DOCK8: variants seen among roughly 807,000 people sequenced by gnomAD.
DOCK8 encodes dedicator of cytokinesis protein 8.
A neutral mutation model predicts 245.6 loss-of-function variants in DOCK8; 141 were observed. The ratio of observed to expected loss-of-function variants is 0.57; its 90% CI spans 0.50 to 0.66. The LOEUF (loss-of-function observed/expected upper bound fraction) is 0.66, where lower values mean the gene tolerates loss of function less well. Among genes scored for constraint, DOCK8 ranks in the 30% least tolerant of loss-of-function variants. DOCK8 has a pLI of 0.00. For synonymous variants in DOCK8, 1,168 were observed against 970.2 expected (o/e 1.20, Z -3.79); for missense variants, 2,965 against 2,603.4 (o/e 1.14, Z -3.02).
At chr9:425,168 TG>T (rs2056433120) in intron 33 of DOCK8, among the ~76,000 whole-genome samples, 1 of 152,194 alleles carries the variant, frequency 6.6e-6, no homozygotes, top group Admixed American at 6.5e-5. Context: ...ATGACATATG[TG>T]GCCCCCATTG....
In DOCK8 at chr9:464,327, C is replaced by A; in HGVS notation, c.*108C>A. On this transcript the variant is annotated 3_prime_UTR_variant, in exon 48 of 48. Transcript: ENST00000432829. ...CCACCCAGGACTGACTGTACACTCC[C>A]TGATCAGCCAGCACTCTGGAAGCTT... The A allele has an allele frequency of 1.1e-6, 1 of 932,518 alleles. No homozygotes were observed. Among genetic ancestry groups the A allele is most frequent in the Non-Finnish European group, 1.8e-6 (1 of 561,364 alleles). 57.8% of individuals were successfully genotyped at this position (932,518 alleles called of 1,614,324 possible).
intron 1 of DOCK8, among the ~76,000 whole-genome samples, chr9:224,507 C>CT (rs1228327595): frequency 6.6e-6 from 1 of 152,154 alleles, no homozygotes; most frequent in African/African-American, 2.4e-5. Flanking sequence ...GCTTGACTCT[C>CT]TCGTTTGCTC....
At chr9:362,230 G>A (rs558535706) in intron 14 of DOCK8, among the ~76,000 whole-genome samples, 1 of 152,300 alleles carries the variant, frequency 6.6e-6, no homozygotes, top group Non-Finnish European at 1.5e-5. Context: ...AGGAATGGCC[G>A]ATGCATACGC....
intron 5 of DOCK8, 89 bp downstream of exon 5, chr9:304,793 A>G: frequency 1.9e-6 from 3 of 1,585,506 alleles, no homozygotes; most frequent in South Asian, 2.2e-5. Flanking sequence ...AATAAACGAT[A>G]GACGCATAGA....
intron 1 of DOCK8, among the ~76,000 whole-genome samples, chr9:256,190 T>G (rs1270371908): frequency 6.6e-6 from 1 of 152,160 alleles, no homozygotes; most frequent in Non-Finnish European, 1.5e-5. Context: ...ACGAGGCTCT[T>G]TCTGAGCCCT....
intron 20 of DOCK8, among the ~76,000 whole-genome samples, chr9:377,719 A>G (rs940337647): frequency 6.6e-6 from 1 of 152,222 alleles, no homozygotes; most frequent in Non-Finnish European, 1.5e-5. Flanking sequence ...ATCTAGTTTT[A>G]TAACATTTTC....
At chr9:462,676 T>C (rs1000643494) in intron 46 of DOCK8, among the ~76,000 whole-genome samples, 2 of 152,214 alleles carry the variant, frequency 1.3e-5, no homozygotes, top group African/African-American at 2.4e-5. Flanking sequence ...CTAGCTTTGA[T>C]TTTTCTCTTT....
At chr9:421,748 C>G (rs1467092612) in intron 32 of DOCK8, among the ~76,000 whole-genome samples, 1 of 152,204 alleles carries the variant, frequency 6.6e-6, no homozygotes, top group Non-Finnish European at 1.5e-5. Context: ...GACACCCATA[C>G]TTTCATACCC....
chr9:334,556 A>G (rs1387261968), intron 11 of DOCK8, among the ~76,000 whole-genome samples, 172 bp downstream of exon 11: 2 of 152,246 alleles, frequency 1.3e-5, no homozygotes, highest in Non-Finnish European at 2.9e-5. Flanking sequence ...TTGGACGGTG[A>G]TCTCCAAAAG....
intron 4 of DOCK8, among the ~76,000 whole-genome samples, chr9:300,045 T>A (rs553560783): frequency 1.3e-5 from 2 of 151,696 alleles, no homozygotes; most frequent in African/African-American, 2.4e-5. Context: ...AGATGGCCCA[T>A]TGTGGTAAGC....
At chr9:373,541 C>T (rs969512795) in intron 18 of DOCK8, among the ~76,000 whole-genome samples, 13 of 152,280 alleles carry the variant, frequency 8.5e-5, no homozygotes, top group East Asian at 7.7e-4. Flanking sequence ...TCTCTGGAGA[C>T]GCTTTTAATC....
At chr9:262,944 C>T (rs1179955690) in intron 1 of DOCK8, among the ~76,000 whole-genome samples, 4 of 152,094 alleles carry the variant, frequency 2.6e-5, no homozygotes, top group Admixed American at 2.0e-4. Flanking sequence ...CGGTGGCTCC[C>T]GCCTGTAATC....
At chr9:397,350 CAAA>C (rs36020302) in intron 25 of DOCK8, among the ~76,000 whole-genome samples, 5 of 87,540 alleles carry the variant, frequency 5.7e-5, no homozygotes, top group African/African-American at 9.2e-5. Context: ...GACTCTGTCT[CAAA>C]AAAAAAAAAA....
chr9:373,680 C>G (rs554933030), intron 18 of DOCK8, among the ~76,000 whole-genome samples: 2 of 152,326 alleles, frequency 1.3e-5, no homozygotes, highest in Admixed American at 1.3e-4. Context: ...CGTCTCACTT[C>G]CGGCTGTTTT....
intron 8 of DOCK8, among the ~76,000 whole-genome samples, chr9:326,213 T>C (rs562354228): frequency 1.4e-4 from 21 of 152,308 alleles, no homozygotes; most frequent in South Asian, 8.3e-4. Flanking sequence ...CTCGTGTGTT[T>C]TTAATGTTTA....
chr9:420,697 C>T (rs1311150369), intron 31 of DOCK8, 114 bp downstream of exon 31: 24 of 1,402,970 alleles, frequency 1.7e-5, no homozygotes, highest in East Asian at 2.3e-5. Flanking sequence ...TTTCTCATTT[C>T]TGTATTCAAA....
chr9:431,857 TAC>T (rs1208270047), intron 36 of DOCK8, among the ~76,000 whole-genome samples: 1 of 152,076 alleles, frequency 6.6e-6, no homozygotes, highest in Non-Finnish European at 1.5e-5. Flanking sequence ...CAAAAGGATA[TAC>T]TGTATTCTTG....
intron 1 of DOCK8, among the ~76,000 whole-genome samples, chr9:267,437 C>T (rs1009715671): frequency 6.6e-6 from 1 of 152,210 alleles, no homozygotes; most frequent in Non-Finnish European, 1.5e-5. Context: ...AACTCCCGAG[C>T]TCAAGTGATC....
intron 7 of DOCK8, among the ~76,000 whole-genome samples, chr9:325,356 A>G (rs548618571): frequency 2.6e-5 from 4 of 152,302 alleles, no homozygotes; most frequent in East Asian, 1.9e-4. Flanking sequence ...AGTAGTTACA[A>G]TAAGAAGGTG....
Sources: gnomAD v4.1 joint callset for allele counts (sites outside exome capture counted in the v4.1 genomes callset) on GRCh38, gnomAD v4.1.1 for gene constraint, MANE v1.5 for transcripts, NCBI Gene and HGNC (gene_info 2026-07-23, HGNC 2026-07-21) for gene names.